MYO1B: variants seen among roughly 807,000 people sequenced by gnomAD.
MYO1B encodes the protein unconventional myosin-Ib.
MYO1B carries 72 observed loss-of-function variants against 159.7 expected under a neutral mutation model. That is an observed-to-expected ratio of 0.45 (90% CI 0.37 to 0.55). The LOEUF (loss-of-function observed/expected upper bound fraction) is 0.55. Ranked by LOEUF, MYO1B falls within the 20% of genes least tolerant of loss-of-function variation. The pLI is 0.00. For synonymous variants in MYO1B, 468 were observed against 473.8 expected, an observed-to-expected ratio of 0.99 and a Z score of 0.16; for missense variants, 1,062 against 1,364.8, an observed-to-expected ratio of 0.78 and a Z score of 3.50.
At chr2:191,385,846 G>A in intron 15 of MYO1B, 38 bp from the exon 16 acceptor site, 1 of 1,598,846 alleles carries the variant, frequency 6.3e-7, no homozygotes, top group Non-Finnish European at 8.6e-7. Context: ...ACAATATAGT[G>A]AGGAAGGAAG....
chr2:191,393,276 T>C lies in MYO1B; in HGVS notation c.2226+54T>C, dbSNP rs1254985114. 4 of 1,588,288 alleles carry C rather than the reference T, an allele frequency of 2.5e-6. No individual in the cohort carries two copies. In the African/African-American group the frequency reaches 5.4e-5, roughly 21 times the overall value. On this transcript the variant is annotated intron_variant, in intron 20 of 30. Coordinates refer to ENST00000392318, the MANE Select transcript of MYO1B (RefSeq NM_001130158.3). ...AATAACAATGCTAATTTGCCAACAT[T>C]TATTATGTACTTACCATGTATGTGA...
intron 2 of MYO1B, among the ~76,000 whole-genome samples, chr2:191,277,940 TATAA>T (rs1467358955): frequency 3.3e-5 from 5 of 152,312 alleles, no homozygotes; most frequent in South Asian, 2.1e-4. Flanking sequence ...AGGGAGGAAG[TATAA>T]ATAAATAAAA....
At chr2:191,419,380 G>A (rs1351408181) in intron 30 of MYO1B, among the ~76,000 whole-genome samples, 2 of 151,884 alleles carry the variant, frequency 1.3e-5, no homozygotes, top group African/African-American at 4.8e-5. Context: ...CACCACGCCC[G>A]GCTAATTTTT....
intron 2 of MYO1B, among the ~76,000 whole-genome samples, chr2:191,283,660 A>G (rs1050825398): frequency 6.6e-6 from 1 of 152,238 alleles, no homozygotes; most frequent in Non-Finnish European, 1.5e-5. Flanking sequence ...GTAACTGTCC[A>G]CGATCACACA....
At chr2:191,329,866 T>C in intron 3 of MYO1B, 69 bp from the exon 4 acceptor site, 1 of 1,326,408 alleles carries the variant, frequency 7.5e-7, no homozygotes. Flanking sequence ...AAGGAGCTTG[T>C]AGTTCCATCT....
At chr2:191,308,736 A>G (rs1380205076) in intron 3 of MYO1B, among the ~76,000 whole-genome samples, 1 of 151,956 alleles carries the variant, frequency 6.6e-6, no homozygotes, top group East Asian at 1.9e-4. Flanking sequence ...TTCATCTCCC[A>G]CTCCACTAAA....
intron 3 of MYO1B, among the ~76,000 whole-genome samples, chr2:191,320,466 T>A (rs562865718): frequency 6.6e-6 from 1 of 152,206 alleles, no homozygotes; most frequent in Non-Finnish European, 1.5e-5. Flanking sequence ...CTTTTCTTTC[T>A]GCACAATAAT....
chr2:191,350,141 C>A (rs1307684543), intron 6 of MYO1B, 21 bp from the exon 7 acceptor site: 2 of 1,609,052 alleles, frequency 1.2e-6, no homozygotes, highest in South Asian at 1.1e-5. Context: ...CTAGAAAACT[C>A]ACAAAATCTT....
At chr2:191,403,929 G>T (rs1218126372) in intron 24 of MYO1B, among the ~76,000 whole-genome samples, 2 of 152,074 alleles carry the variant, frequency 1.3e-5, no homozygotes, top group Non-Finnish European at 2.9e-5. Flanking sequence ...GTGTACACTA[G>T]CAACCTACAA....
chr2:191,420,152 A>G (rs940280931), intron 30 of MYO1B, among the ~76,000 whole-genome samples: 2 of 152,228 alleles, frequency 1.3e-5, no homozygotes, highest in African/African-American at 4.8e-5. Flanking sequence ...GCCCTGAGCC[A>G]TGATTGCTCC....
chr2:191,339,554 A>G (rs1462058364), intron 4 of MYO1B, among the ~76,000 whole-genome samples: 1 of 152,252 alleles, frequency 6.6e-6, no homozygotes, highest in African/African-American at 2.4e-5. Flanking sequence ...TCTCAGTTAC[A>G]GTCTTTAAAG....
At chr2:191,405,188 T>G (rs1696843603) in intron 24 of MYO1B, among the ~76,000 whole-genome samples, 1 of 152,236 alleles carries the variant, frequency 6.6e-6, no homozygotes, top group South Asian at 2.1e-4. Context: ...ACTACTTTAT[T>G]TGGTCATCCA....
chr2:191,295,406 C>T (rs1045030809), intron 2 of MYO1B, among the ~76,000 whole-genome samples: 9 of 152,110 alleles, frequency 5.9e-5, no homozygotes, highest in Non-Finnish European at 8.8e-5. Context: ...GCACTGATCC[C>T]TCAGAAAGTG....
intron 3 of MYO1B, 76 bp from the exon 4 acceptor site, chr2:191,329,859 G>T: frequency 8.1e-7 from 1 of 1,227,364 alleles, no homozygotes; most frequent in Non-Finnish European, 1.2e-6. Flanking sequence ...GCCCTTTAAG[G>T]AGCTTGTAGT....
chr2:191,381,089 T>A (rs1234317373), intron 13 of MYO1B: 8 of 336,410 alleles, frequency 2.4e-5, no homozygotes, highest in African/African-American at 1.7e-4. Context: ...AGCTCTGAAG[T>A]TTCACCTGAG....
chr2:191,383,509 T>TATATAG (rs1695205153), intron 15 of MYO1B, among the ~76,000 whole-genome samples, 167 bp downstream of exon 15: 1 of 105,992 alleles, frequency 9.4e-6, no homozygotes, highest in Non-Finnish European at 1.8e-5. Context: ...TATATATATA[T>TATATAG]ACACGTACAC....
chr2:191,340,966 G>A (rs957989046), intron 4 of MYO1B, among the ~76,000 whole-genome samples: 3 of 152,012 alleles, frequency 2.0e-5, no homozygotes, highest in Admixed American at 6.6e-5. Context: ...CTCATGATCC[G>A]CCCACCTCAG....
chr2:191,313,679 C>A (rs1690170200), intron 3 of MYO1B, among the ~76,000 whole-genome samples: 1 of 151,926 alleles, frequency 6.6e-6, no homozygotes. Flanking sequence ...CCACTGCGCC[C>A]AGCAATTTTT....
chr2:191,401,694 A>T (rs1449002668), intron 23 of MYO1B: 1 of 152,230 alleles, frequency 6.6e-6, no homozygotes, highest in Non-Finnish European at 1.5e-5. Flanking sequence ...AAAAGTCAAC[A>T]TCTGCCTGCA....
Sources: gnomAD v4.1 joint callset for allele counts (sites outside exome capture counted in the v4.1 genomes callset) on GRCh38, gnomAD v4.1.1 for gene constraint, MANE v1.5 for transcripts, NCBI Gene and HGNC (gene_info 2026-07-23, HGNC 2026-07-21) for gene names.